GCNT2: variants seen among roughly 807,000 people sequenced by gnomAD.
GCNT2 encodes the protein N-acetyllactosaminide beta-1,6-N-acetylglucosaminyl-transferase.
GCNT2 carries 34 observed loss-of-function variants against 34.2 expected under a neutral mutation model. The ratio of observed to expected loss-of-function variants is 1.00; its 90% CI spans 0.76 to 1.32. The LOEUF is 1.32. GCNT2 is among the 40% of genes most tolerant of loss of function. The pLI is 0.00. For synonymous variants in GCNT2, 212 were observed against 188.0 expected (o/e 1.13, Z -1.04); for missense variants, 584 against 489.4 (o/e 1.19, Z -1.82).
At chr6:10,567,050 G>C (rs1337653399) in intron 3 of GCNT2, among the ~76,000 whole-genome samples, 1 of 152,224 alleles carries the variant, frequency 6.6e-6, no homozygotes, top group African/African-American at 2.4e-5. Flanking sequence ...GAGAAGGCTA[G>C]ACTTATGCCT....
chr6:10,544,665 C>T (rs988637111), intron 3 of GCNT2, among the ~76,000 whole-genome samples: 32 of 150,954 alleles, frequency 2.1e-4, no homozygotes, highest in African/African-American at 5.8e-4. Flanking sequence ...TAAATGGGGC[C>T]GGGCATGATG....
At chr6:10,554,583 A>G (rs17637641) in intron 3 of GCNT2, among the ~76,000 whole-genome samples, 1 of 152,242 alleles carries the variant, frequency 6.6e-6, no homozygotes, top group Non-Finnish European at 1.5e-5. Context: ...CTAAGCCACA[A>G]ATCTTTGCCA....
intron 3 of GCNT2, among the ~76,000 whole-genome samples, chr6:10,620,947 A>ACG (rs778146742): frequency 9.2e-5 from 14 of 152,164 alleles, no homozygotes; most frequent in Non-Finnish European, 1.8e-4. Flanking sequence ...TAAACATCTT[A>ACG]CAAAACACAG....
intron 3 of GCNT2, among the ~76,000 whole-genome samples, chr6:10,551,972 T>C (rs1048211343): frequency 6.6e-6 from 1 of 151,892 alleles, no homozygotes; most frequent in Non-Finnish European, 1.5e-5. Context: ...TTGGCCAGGC[T>C]GGTCTCAAAC....
chr6:10,548,379 G>C (rs1762352671), intron 3 of GCNT2, among the ~76,000 whole-genome samples: 1 of 152,236 alleles, frequency 6.6e-6, no homozygotes, highest in Non-Finnish European at 1.5e-5. Context: ...GCTGCAACAA[G>C]AGCAAGAGCT....
intron 3 of GCNT2, among the ~76,000 whole-genome samples, chr6:10,592,922 T>C (rs147395255): frequency 0.011 from 1,711 of 152,084 alleles, 32 homozygotes; most frequent in African/African-American, 0.038. Context: ...TTCATATTTT[T>C]AGTAGAGATG....
At position 10,582,404 on chromosome 6, in the gene GCNT2, ATAG is replaced by A. The variant is rs1486305717; in HGVS notation, c.926-38944_926-38942del. On this transcript the variant is annotated intron_variant, in intron 3 of 4. Transcript: ENST00000495262. ...TAATATTTATTATATACTATAATAA[ATAG>A]TATAATATTTATTATATACTATAAT... is the stretch of plus-strand genomic sequence containing the variant. Among the ~76,000 whole-genome samples, 28 of 122,676 alleles carry A rather than the reference ATAG, an allele frequency of 2.3e-4. 1 individual carries two copies. Among genetic ancestry groups the A allele is most frequent in the African/African-American group, 9.4e-4 (28 of 29,906 alleles). The allele number at this position is 122,676 out of a possible 152,430, so 80.5% of individuals were successfully genotyped here.
rs142430245 is a variant in GCNT2 at position 10,602,237 on chromosome 6, C to G, written c.926-19114C>G. 2.2e-3 allele frequency among the ~76,000 whole-genome samples: 329 copies of G among 152,310 alleles called. 1 individual carries two copies. Among genetic ancestry groups the G allele is most frequent in the East Asian group, 9.6e-3 (50 of 5,186 alleles). On this transcript the variant is annotated intron_variant, in intron 3 of 4. Transcript: ENST00000495262. ...AACAGATCACTGAAGTTTTACATTG[C>G]TCTTACCTGTATGCACAGCTCAAGA...
chr6:10,605,475 G>T (rs1372653882), intron 3 of GCNT2, among the ~76,000 whole-genome samples: 1 of 151,676 alleles, frequency 6.6e-6, no homozygotes, highest in African/African-American at 2.4e-5. Context: ...CTCCCAAAGT[G>T]CTGGGATTAC....
At chr6:10,585,125 T>G (rs1764290846) in intron 3 of GCNT2, among the ~76,000 whole-genome samples, 1 of 151,656 alleles carries the variant, frequency 6.6e-6, no homozygotes, top group African/African-American at 2.4e-5. Flanking sequence ...TAATCTACCT[T>G]GTTATATTTT....
chr6:10,560,300 G>C (rs1581406415), intron 3 of GCNT2, among the ~76,000 whole-genome samples: 1 of 85,262 alleles, frequency 1.2e-5, no homozygotes, highest in Admixed American at 1.2e-4. Context: ...ATGTTGCCCA[G>C]GGGTAGTCTC....
At chr6:10,557,494 T>TC (rs1762776866) in intron 3 of GCNT2, 2 of 161,028 alleles carry the variant, frequency 1.2e-5, no homozygotes, top group East Asian at 3.1e-4. Context: ...AAAGATGTTC[T>TC]TTTTTTTTTT....
Position 10,578,445 on chromosome 6 carries a change from CT to C in GCNT2, c.926-42885del, listed in dbSNP as rs1211582798. On this transcript the variant is annotated intron_variant, in intron 3 of 4. Coordinates refer to ENST00000495262, the MANE Select transcript of GCNT2 (RefSeq NM_145649.5). ...TCCCTGTCTTCATGGAGCTTACATT[CT>C]TTTTTTTTTTTTTTTTTTTTGAGAC... 5.5e-3 allele frequency among the ~76,000 whole-genome samples: 569 copies of C among 103,882 alleles called. 1 individual carries two copies. The highest frequency in any genetic ancestry group is 0.018 in the African/African-American group (452 of 24,622). The allele number at this position is 103,882 out of a possible 152,430, so 68.2% of individuals were successfully genotyped here.
At chr6:10,601,789 A>C (rs1159670559) in intron 3 of GCNT2, among the ~76,000 whole-genome samples, 1 of 152,020 alleles carries the variant, frequency 6.6e-6, no homozygotes, top group Non-Finnish European at 1.5e-5. Context: ...AAAAATACAA[A>C]AATTAGCCGG....
At chr6:10,557,397 T>G in intron 3 of GCNT2, 1 of 1,400,094 alleles carries the variant, frequency 7.1e-7, no homozygotes, top group South Asian at 1.2e-5. Flanking sequence ...TGAAAGGGCT[T>G]TAGAATAACC....
chr6:10,534,331 G>C (rs1409029885), intron 3 of GCNT2, among the ~76,000 whole-genome samples: 1 of 151,652 alleles, frequency 6.6e-6, no homozygotes, highest in Non-Finnish European at 1.5e-5. Context: ...TAGTAGAGAC[G>C]GGGTTTCACC....
chr6:10,545,387 A>G (rs377109002), intron 3 of GCNT2, among the ~76,000 whole-genome samples: 21 of 152,076 alleles, frequency 1.4e-4, no homozygotes, highest in Admixed American at 3.9e-4. Flanking sequence ...AGCCAGCTCA[A>G]ACTTCCTTAG....
intron 3 of GCNT2, among the ~76,000 whole-genome samples, chr6:10,537,696 C>T (rs1370508493): frequency 2.4e-4 from 17 of 70,196 alleles, no homozygotes; most frequent in Admixed American, 3.8e-4. Context: ...GAGATTCTGC[C>T]GCAAAAAAAA....
At chr6:10,539,640 G>C (rs945276787) in intron 3 of GCNT2, among the ~76,000 whole-genome samples, 4 of 45,032 alleles carry the variant, frequency 8.9e-5, no homozygotes, top group African/African-American at 2.5e-4. Context: ...TCATTAAATG[G>C]AGAGAGAGAG....
Sources: gnomAD v4.1 joint callset for allele counts (sites outside exome capture counted in the v4.1 genomes callset) on GRCh38, gnomAD v4.1.1 for gene constraint, MANE v1.5 for transcripts, NCBI Gene and HGNC (gene_info 2026-07-23, HGNC 2026-07-21) for gene names.